SPTLC2: variants seen among roughly 807,000 people sequenced by gnomAD.
SPTLC2 encodes serine palmitoyltransferase 2.
A neutral mutation model predicts 62.0 loss-of-function variants in SPTLC2; 21 were observed. The observed-to-expected ratio is 0.34, with a 90% CI of 0.24 to 0.49. The LOEUF (loss-of-function observed/expected upper bound fraction) is 0.49. SPTLC2 is among the 20% of genes least tolerant of loss of function. The pLI is 0.99. For missense variants in SPTLC2, 511 were observed against 713.0 expected (o/e 0.72, Z 3.23); for synonymous variants, 261 against 261.8 (o/e 1.00, Z 0.03).
In SPTLC2 at chr14:77,616,539, A is replaced by T; in HGVS notation, c.41T>A (p.Val14Glu). Reference protein sequence around the residue: ...EPGGCCCRRTVRANGCVANGE... With the variant: ...EPGGCCCRRTERANGCVANGE... ...GTTCGCCACGCAGCCATTCGCCCGC[A>T]CCGTGCGGCGGCAGCAGCAGCCTCC... The change falls in exon 1 of 12, where the codon GTG (valine) becomes GAG (glutamate). Residue 14 changes from valine to glutamate, a missense_variant. Val to Glu is a moderately radical substitution (Grantham distance 121, BLOSUM62 -2). Coordinates refer to ENST00000216484, the MANE Select transcript of SPTLC2 (RefSeq NM_004863.4). The T allele has an allele frequency of 6.5e-7, 1 of 1,535,678 alleles. No homozygotes were observed. The highest frequency in any genetic ancestry group is 2.4e-5 in the East Asian group (1 of 40,910).
At chr14:77,541,723 T>G (rs1383063886) in intron 9 of SPTLC2, among the ~76,000 whole-genome samples, 3 of 152,148 alleles carry the variant, frequency 2.0e-5, no homozygotes, top group Non-Finnish European at 2.9e-5. Flanking sequence ...AATTATATAC[T>G]CATCACAAGC....
intron 1 of SPTLC2, among the ~76,000 whole-genome samples, chr14:77,611,402 G>T (rs527495321): frequency 2.1e-5 from 3 of 142,738 alleles, no homozygotes; most frequent in East Asian, 4.2e-4. Flanking sequence ...AGTTGAGGCC[G>T]CAGTAAGCTA....
intron 8 of SPTLC2, among the ~76,000 whole-genome samples, chr14:77,552,936 C>G (rs942296652): frequency 7.2e-5 from 11 of 151,952 alleles, no homozygotes; most frequent in African/African-American, 2.4e-4. Flanking sequence ...GCTCTGTGTG[C>G]CTATAAAGCC....
intron 2 of SPTLC2, among the ~76,000 whole-genome samples, chr14:77,582,868 G>A (rs2079759497): frequency 6.6e-6 from 1 of 152,116 alleles, no homozygotes; most frequent in Non-Finnish European, 1.5e-5. Context: ...TAAGCTCCAG[G>A]GTAGTAGCTC....
chr14:77,610,561 C>T (rs2079929710), intron 1 of SPTLC2, among the ~76,000 whole-genome samples: 1 of 152,192 alleles, frequency 6.6e-6, no homozygotes, highest in African/African-American at 2.4e-5. Context: ...GCTGGGATTA[C>T]AGGTATGAGC....
At chr14:77,524,163 C>A (rs2079397906) in intron 9 of SPTLC2, among the ~76,000 whole-genome samples, 1 of 152,024 alleles carries the variant, frequency 6.6e-6, no homozygotes, top group Admixed American at 6.6e-5. Flanking sequence ...TGAAATAAGC[C>A]AGACATGAGA....
chr14:77,518,890 C>T (rs2079371867), intron 10 of SPTLC2, among the ~76,000 whole-genome samples: 1 of 152,226 alleles, frequency 6.6e-6, no homozygotes, highest in Non-Finnish European at 1.5e-5. Context: ...GCCAGTTCAC[C>T]CGCTGGCTTC....
At chr14:77,547,400 C>G (rs544696920) in intron 9 of SPTLC2, among the ~76,000 whole-genome samples, 1 of 152,158 alleles carries the variant, frequency 6.6e-6, no homozygotes, top group Non-Finnish European at 1.5e-5. Flanking sequence ...CGTTCTTGGG[C>G]TCAGGAAGTA....
intron 3 of SPTLC2, 145 bp from the exon 4 acceptor site, chr14:77,577,060 T>C (rs1446733832): frequency 3.1e-5 from 26 of 848,756 alleles, no homozygotes; most frequent in African/African-American, 5.2e-5. Context: ...ATTATGGAAA[T>C]AGAAGTTAAA....
intron 1 of SPTLC2, among the ~76,000 whole-genome samples, chr14:77,606,222 G>A (rs2079904165): frequency 6.6e-6 from 1 of 152,138 alleles, no homozygotes; most frequent in African/African-American, 2.4e-5. Flanking sequence ...CCCAGCTACT[G>A]GGGAGGCTGA....
intron 5 of SPTLC2, among the ~76,000 whole-genome samples, chr14:77,565,874 T>C (rs764371454): frequency 2.6e-5 from 4 of 152,190 alleles, no homozygotes; most frequent in Non-Finnish European, 5.9e-5. Context: ...GCTGAATGAA[T>C]GGTATACAGG....
At chr14:77,613,914 C>A (rs1315530385) in intron 1 of SPTLC2, among the ~76,000 whole-genome samples, 1 of 152,188 alleles carries the variant, frequency 6.6e-6, no homozygotes, top group Non-Finnish European at 1.5e-5. Context: ...CAAGATCTCT[C>A]TTTTGTATAA....
At chr14:77,529,964 C>T (rs927294708) in intron 9 of SPTLC2, among the ~76,000 whole-genome samples, 10 of 152,090 alleles carry the variant, frequency 6.6e-5, no homozygotes, top group African/African-American at 2.4e-4. Context: ...TGCTAGCCTG[C>T]CTTATCTCCT....
chr14:77,533,345 T>C (rs2079451157), intron 9 of SPTLC2, among the ~76,000 whole-genome samples: 2 of 148,420 alleles, frequency 1.3e-5, no homozygotes, highest in Admixed American at 6.7e-5. Context: ...GTGAGTATAA[T>C]AGCAATGTAT....
chr14:77,544,740 T>C (rs916283046), intron 9 of SPTLC2, among the ~76,000 whole-genome samples: 3 of 152,204 alleles, frequency 2.0e-5, no homozygotes, highest in South Asian at 4.1e-4. Context: ...TCTGATAAAG[T>C]CCTGACGTTG....
chr14:77,597,912 T>G (rs1595013800), intron 1 of SPTLC2, among the ~76,000 whole-genome samples: 1 of 150,818 alleles, frequency 6.6e-6, no homozygotes. Context: ...TCACCTGAGG[T>G]TGGGAGTTCA....
chr14:77,589,030 C>T (rs1203316662), intron 2 of SPTLC2, among the ~76,000 whole-genome samples: 2 of 73,082 alleles, frequency 2.7e-5, no homozygotes. Flanking sequence ...AAAAAAAAAA[C>T]ACACAAAGAA....
intron 1 of SPTLC2, among the ~76,000 whole-genome samples, chr14:77,614,681 C>CA (rs1039894734): frequency 3.6e-5 from 5 of 138,372 alleles, no homozygotes; most frequent in African/African-American, 8.1e-5. Context: ...ACCAAAAAAA[C>CA]AAAAAAAATC....
intron 9 of SPTLC2, among the ~76,000 whole-genome samples, chr14:77,545,988 T>C (rs1313175109): frequency 2.6e-5 from 4 of 152,352 alleles, no homozygotes; most frequent in East Asian, 3.9e-4. Flanking sequence ...TACTGATCCA[T>C]GGAGAGAAAA....
Sources: allele counts gnomAD v4.1 joint callset (sites outside exome capture counted in the v4.1 genomes callset), GRCh38; gene constraint gnomAD v4.1.1; transcripts MANE v1.5; gene names NCBI Gene and HGNC (gene_info 2026-07-23, HGNC 2026-07-21).